The following FKBP15 variants were observed in gnomAD, a reference collection of about 807,000 sequenced individuals.
FKBP15 encodes the protein FKBP prolyl isomerase family member 15, also known as FK506-binding protein 15.
FKBP15 carries 106 observed loss-of-function variants against 158.1 expected under a neutral mutation model. The ratio of observed to expected loss-of-function variants is 0.67; its 90% CI spans 0.57 to 0.79. The LOEUF (loss-of-function observed/expected upper bound fraction) is 0.79. FKBP15 is among the 30% of genes least tolerant of loss of function. FKBP15 has a pLI of 0.00. For synonymous variants in FKBP15, 547 were observed against 548.6 expected (o/e 1.00, Z 0.04); for missense variants, 1,287 against 1,479.1 (o/e 0.87, Z 2.13).
chr9:113,178,609 C>A, intron 20 of FKBP15, 21 bp downstream of exon 20: 1 of 1,570,276 alleles, frequency 6.4e-7, no homozygotes, highest in African/African-American at 1.4e-5. Flanking sequence ...ACAATCCCAG[C>A]ATCCCCCACC....
At chr9:113,217,201 G>GTT (rs979783485) in intron 1 of FKBP15, among the ~76,000 whole-genome samples, 2,271 of 89,306 alleles carry the variant, frequency 0.025, 150 homozygotes, top group African/African-American at 0.04. Flanking sequence ...ACCACGCCCA[G>GTT]TTTTTTTTTT....
chr9:113,162,203 C>A lies in FKBP15; in HGVS notation c.*3875G>T. 3.6e-6 allele frequency: 1 copy of A among 280,932 alleles called. No individual in the cohort carries two copies. The highest frequency in any genetic ancestry group is 6.9e-6 in the Non-Finnish European group (1 of 144,666). 17.4% of individuals were successfully genotyped at this position (280,932 alleles called of 1,614,324 possible). On this transcript the variant is annotated 3_prime_UTR_variant, in exon 28 of 28. Coordinates refer to ENST00000238256, the MANE Select transcript of FKBP15 (RefSeq NM_015258.2). ...CACCTGTGCTTAATAAGCCTGCCCG[C>A]TCCATCACTAGCCACCCTACATGGG...
rs531340543 is a variant in FKBP15, at chr9:113,204,004, C to A, written c.325-969G>T. The stretch of plus-strand genomic sequence containing the variant: ...GTGAATATACCATAAACTCTTCATT[C>A]ATTCTCCTGTTTATGAACATTTGAG... On this transcript the variant is annotated intron_variant, in intron 4 of 27. Transcript: ENST00000238256. Among the ~76,000 whole-genome samples the A allele has an allele frequency of 2.0e-5, 3 of 152,298 alleles. No homozygotes were observed. In the East Asian group the frequency reaches 5.8e-4, roughly 29 times the overall value.
intron 23 of FKBP15, among the ~76,000 whole-genome samples, chr9:113,172,795 G>A (rs1187648489): frequency 2.6e-5 from 4 of 152,146 alleles, no homozygotes; most frequent in Non-Finnish European, 5.9e-5. Flanking sequence ...CAAGATCTCT[G>A]AGCCAAAAGT....
At chr9:113,208,723 C>G (rs1458129959) in intron 2 of FKBP15, among the ~76,000 whole-genome samples, 1 of 151,768 alleles carries the variant, frequency 6.6e-6, no homozygotes, top group Non-Finnish European at 1.5e-5. Context: ...AACTGTTCCT[C>G]AGGCTGGACG....
Position 113,211,514 on chromosome 9 carries a change from T to G in FKBP15, c.132A>C (p.Pro44=), listed in dbSNP as rs376245184. The stretch of plus-strand genomic sequence containing the variant: ...TTCCCTGGCCTTTCTTAGGCTGTTT[T>G]GGGGCTGTGTACTGGAAAAATTCAT... ...HGNEFFQYTA[P]KQPKKGQGTA... The change falls in exon 2 of 28, where the codon CCA becomes CCC. Residue 44 remains proline, a synonymous_variant. Coordinates refer to ENST00000238256, the MANE Select transcript of FKBP15 (RefSeq NM_015258.2). The G allele has an allele frequency of 3.1e-6, 5 of 1,609,494 alleles. No homozygotes were observed. The highest frequency in any genetic ancestry group is 2.7e-5 in the African/African-American group (2 of 74,886).
At chr9:113,177,920 A>T (rs1279276702) in intron 20 of FKBP15, among the ~76,000 whole-genome samples, 1 of 152,246 alleles carries the variant, frequency 6.6e-6, no homozygotes, top group Non-Finnish European at 1.5e-5. Flanking sequence ...CTTTACAAAG[A>T]TGAGCAAAAC....
chr9:113,169,587 G>C lies in FKBP15; in HGVS notation c.3122C>G (p.Pro1041Arg). Residue 1041 changes from proline to arginine, a missense_variant, in exon 26 of 28, where the codon CCG becomes CGG. Coordinates refer to ENST00000238256, the MANE Select transcript of FKBP15 (RefSeq NM_015258.2). ...TAGGGGCTCAGGTGGAATTGAAGTCGGGGGCCCTAGAACTCTGTGGGATGG... is the reference window on the plus strand; with the variant it reads ...TAGGGGCTCAGGTGGAATTGAAGTCCGGGGCCCTAGAACTCTGTGGGATGG... The part of the protein sequence containing the change: ...CIPSHRVLGP[P>R]TSIPPEPLGP... 6.2e-7 allele frequency: 1 copy of C among 1,614,012 alleles called. No homozygotes were observed. The highest frequency in any genetic ancestry group is 8.5e-7 in the Non-Finnish European group (1 of 1,179,890).
intron 13 of FKBP15, 141 bp from the exon 14 acceptor site, chr9:113,188,040 T>A: frequency 1.5e-6 from 1 of 683,982 alleles, no homozygotes; most frequent in Non-Finnish European, 2.5e-6. Flanking sequence ...TACTGCAATC[T>A]CAGGAATGAG....
chr9:113,164,027 G>A lies in FKBP15; in HGVS notation c.*2051C>T, dbSNP rs554531294. The A allele has an allele frequency of 1.3e-5, 2 of 152,762 alleles. No homozygotes were observed. The highest frequency in any genetic ancestry group is 4.8e-5 in the African/African-American group (2 of 41,578). 9.5% of individuals were successfully genotyped at this position (152,762 alleles called of 1,614,324 possible). A position where few individuals can be genotyped will look rare whatever the true frequency, so the allele number is the denominator to read the frequency against. On this transcript the variant is annotated 3_prime_UTR_variant, in exon 28 of 28. Transcript: ENST00000238256. ...TTCACTTTATAAAAAAGGAAAGAGA[G>A]AAAATCACTGCTGTATACTAAATAC...
At position 113,183,845 on chromosome 9, in the gene FKBP15, C is replaced by T; in HGVS notation, c.1717G>A (p.Glu573Lys). The stretch of plus-strand genomic sequence containing the variant: ...ATCTCTTGCTTCAATCTTTCATTTT[C>T]CTAATTTCAAAATATATGATGTACA... Reference protein sequence around the residue: ...IMSNIQRIIQENERLKQEILE... With the variant: ...IMSNIQRIIQKNERLKQEILE... The change falls in exon 18 of 28, where the codon GAA becomes AAA. Residue 573 changes from glutamate (E) to lysine (K), a missense_variant and splice_region_variant. Transcript: ENST00000238256. 4 of 1,609,132 alleles carry T rather than the reference C, an allele frequency of 2.5e-6. No individual in the cohort carries two copies. Among genetic ancestry groups the T allele is most frequent in the Non-Finnish European group, 3.4e-6 (4 of 1,176,088 alleles).
chr9:113,201,918 T>C (rs771356570), intron 6 of FKBP15, among the ~76,000 whole-genome samples: 2 of 152,172 alleles, frequency 1.3e-5, no homozygotes, highest in Non-Finnish European at 1.5e-5. Flanking sequence ...ATATTATGCA[T>C]AGAAAAAAGG....
chr9:113,171,550 G>A, intron 24 of FKBP15, 31 bp downstream of exon 24: 1 of 1,599,504 alleles, frequency 6.3e-7, no homozygotes, highest in Non-Finnish European at 8.5e-7. Context: ...TGATATAAAT[G>A]GCTTGCTTCT....
At chr9:113,204,806 C>T (rs28891677) in intron 4 of FKBP15, among the ~76,000 whole-genome samples, 34,808 of 152,166 alleles carry the variant, frequency 0.23, 4,723 homozygotes, top group African/African-American at 0.36. Flanking sequence ...ATCTAGACTG[C>T]CATGTGATTA....
Position 113,221,213 on chromosome 9 carries a change from C to T in FKBP15, c.31G>A (p.Asp11Asn), listed in dbSNP as rs1394050222. Residue 11 changes from aspartate (D) to asparagine (N), a missense_variant, in exon 1 of 28, where the codon GAT becomes AAT. Physicochemically the swap from Asp to Asn is conservative, Grantham distance 23. Transcript: ENST00000238256. MFGAGDEDDT[D>N]FLSPSGGARL... The stretch of plus-strand genomic sequence containing the variant: ...CACCCGCCGCTCGGCGAGAGGAAAT[C>T]GGTGTCGTCCTCGTCCCCCGCACCG... 1.2e-6 allele frequency: 2 copies of T among 1,610,156 alleles called. No homozygotes were observed. The highest frequency in any genetic ancestry group is 2.2e-5 in the East Asian group (1 of 44,730).
chr9:113,173,146 T>G (rs1283753879), intron 23 of FKBP15, among the ~76,000 whole-genome samples: 1 of 152,234 alleles, frequency 6.6e-6, no homozygotes, highest in African/African-American at 2.4e-5. Context: ...GTTCCTTGTA[T>G]GCACTTCCTT....
At chr9:113,167,033 G>A (rs1830109744) in intron 27 of FKBP15, among the ~76,000 whole-genome samples, 2 of 152,204 alleles carry the variant, frequency 1.3e-5, no homozygotes, top group South Asian at 2.1e-4. Context: ...CTAATCCCAC[G>A]TCACTACCAA....
At chr9:113,211,285 AG>A (rs1206570787) in intron 2 of FKBP15, among the ~76,000 whole-genome samples, 191 bp downstream of exon 2, 2 of 152,040 alleles carry the variant, frequency 1.3e-5, no homozygotes, top group East Asian at 3.8e-4. Flanking sequence ...CAGCCCCCCT[AG>A]TAGCTGGGAT....
chr9:113,194,165 T>C lies in FKBP15; in HGVS notation c.869A>G (p.Lys290Arg). The change falls in exon 10 of 28, where the codon AAG (lysine) becomes AGG (arginine). Residue 290 changes from lysine (K) to arginine (R), a missense_variant. Coordinates refer to ENST00000238256, the MANE Select transcript of FKBP15 (RefSeq NM_015258.2). ...ATCAGAGCCAGAATCTCTGGCAAAC[T>C]TCACCTAAGGAAACACCGCATATTC... ...LVFEVEVRRV[K>R]FARDSGSDGH... The C allele has an allele frequency of 2.5e-6, 4 of 1,607,194 alleles. No homozygotes were observed. The highest frequency in any genetic ancestry group is 3.4e-6 in the Non-Finnish European group (4 of 1,176,168).
Sources: gnomAD v4.1 joint callset for allele counts (sites outside exome capture counted in the v4.1 genomes callset) on GRCh38, gnomAD v4.1.1 for gene constraint, MANE v1.5 for transcripts, NCBI Gene and HGNC (gene_info 2026-07-23, HGNC 2026-07-21) for gene names.